Variants in RTN4RL1 observed in about 807,000 individuals in gnomAD.
RTN4RL1 encodes the protein reticulon 4 receptor like 1, also known as reticulon-4 receptor-like 1.
RTN4RL1 carries 7 observed loss-of-function variants against 25.6 expected under a neutral mutation model. The observed-to-expected ratio is 0.27, with a 90% CI of 0.16 to 0.51. The LOEUF is 0.51. Among genes scored for constraint, RTN4RL1 ranks in the 20% least tolerant of loss-of-function variants. The probability of loss-of-function intolerance (pLI) is 0.97; values close to 1 mark genes in which losing one functional copy is unlikely to be tolerated. For missense variants in RTN4RL1, 500 were observed against 615.6 expected (o/e 0.81, Z 1.99); for synonymous variants, 297 against 288.2 (o/e 1.03, Z -0.31).
At chr17:1,943,928 A>G (rs973513589) in intron 1 of RTN4RL1, among the ~76,000 whole-genome samples, 5 of 128,304 alleles carry the variant, frequency 3.9e-5, no homozygotes, top group Non-Finnish European at 5.6e-5. Flanking sequence ...CTGAGTTTGA[A>G]TCCTATTTTT....
intron 1 of RTN4RL1, among the ~76,000 whole-genome samples, chr17:1,950,653 C>G (rs555744243): frequency 1.3e-5 from 2 of 150,840 alleles, no homozygotes; most frequent in Non-Finnish European, 3.0e-5. Context: ...TTGAGACCAG[C>G]CTGGTCAACA....
At chr17:1,973,577 C>T (rs1255046593) in intron 1 of RTN4RL1, among the ~76,000 whole-genome samples, 3 of 151,546 alleles carry the variant, frequency 2.0e-5, no homozygotes, top group South Asian at 2.1e-4. Context: ...CCCCTGGTGT[C>T]CTCCACCCAA....
At chr17:1,940,445 T>G (rs1597485712) in intron 1 of RTN4RL1, among the ~76,000 whole-genome samples, 1 of 152,020 alleles carries the variant, frequency 6.6e-6, no homozygotes, top group African/African-American at 2.4e-5. Context: ...CAGTTTCCCC[T>G]CCTACCACAC....
intron 1 of RTN4RL1, among the ~76,000 whole-genome samples, chr17:2,002,405 G>A (rs987848392): frequency 6.6e-6 from 1 of 150,828 alleles, no homozygotes; most frequent in Non-Finnish European, 1.5e-5. Context: ...CCATTCTCCT[G>A]CCTCAGCCTC....
intron 1 of RTN4RL1, among the ~76,000 whole-genome samples, chr17:2,010,978 G>A (rs909084006): frequency 6.6e-6 from 1 of 152,136 alleles, no homozygotes; most frequent in Non-Finnish European, 1.5e-5. Context: ...TCGGCCGGGC[G>A]CGGTAGCTCA....
Position 2,002,762 on chromosome 17 carries a change from A to AG in RTN4RL1, c.13+22090dup, listed in dbSNP as rs202090346. On this transcript the variant is annotated intron_variant, in intron 1 of 1. Transcript: ENST00000331238. ...AGTAAAAACACTCTGGCCAGTTCCC[A>AG]GTGGGGGGCAGAGGGAAAGTCAGGT... Among the ~76,000 whole-genome samples, 1,460 of 152,088 alleles carry AG rather than the reference A, an allele frequency of 9.6e-3. 33 individuals are homozygous for AG. Among genetic ancestry groups the AG allele is most frequent in the African/African-American group, 0.034 (1,390 of 41,456 alleles).
intron 1 of RTN4RL1, among the ~76,000 whole-genome samples, chr17:1,976,228 C>T (rs781195600): frequency 5.3e-5 from 8 of 152,216 alleles, no homozygotes; most frequent in African/African-American, 9.6e-5. Flanking sequence ...TGCTGAGCCA[C>T]GAGAAGGCCC....
Position 1,935,711 on chromosome 17 carries a change from G to GTGTGTGTATATATATATA in RTN4RL1, c.*784_*785insTATATATATATACACACA, listed in dbSNP as rs1435954605. 4.4e-5 allele frequency: 7 copies of GTGTGTGTATATATATATA among 157,454 alleles called. No homozygotes were observed. The highest frequency in any genetic ancestry group is 4.8e-5 in the African/African-American group (1 of 20,978). 9.8% of individuals were successfully genotyped at this position (157,454 alleles called of 1,614,324 possible). ...AGTGGGAGGGGGACTGTGCATTTGTGTATATATATATATATATATATATAT... is the reference window on the plus strand; with the variant it reads ...AGTGGGAGGGGGACTGTGCATTTGTGTGTGTGTATATATATATATATATATATATATATATATATATAT... On this transcript the variant is annotated 3_prime_UTR_variant, in exon 2 of 2. Coordinates refer to ENST00000331238, the MANE Select transcript of RTN4RL1 (RefSeq NM_178568.4).
chr17:1,986,075 T>C (rs2066886051), intron 1 of RTN4RL1, among the ~76,000 whole-genome samples: 1 of 151,960 alleles, frequency 6.6e-6, no homozygotes, highest in Admixed American at 6.6e-5. Context: ...CTCTTGTCTC[T>C]ACTGCTACTA....
rs755220392 is a variant in RTN4RL1 at position 1,940,626 on chromosome 17, C to A, written c.14-2818G>T. On this transcript the variant is annotated intron_variant, in intron 1 of 1. Transcript: ENST00000331238. ...CCCCACTTGACTTTTGGGAAGCCTG[C>A]CCACTGCCTGAACCCTCCACACCCA... 1.2e-4 allele frequency among the ~76,000 whole-genome samples: 19 copies of A among 152,254 alleles called. No individual in the cohort carries two copies. In the South Asian group the frequency reaches 3.3e-3, roughly 27 times the overall value.
chr17:1,995,096 G>A (rs1460074763), intron 1 of RTN4RL1, among the ~76,000 whole-genome samples: 1 of 152,130 alleles, frequency 6.6e-6, no homozygotes, highest in East Asian at 1.9e-4. Flanking sequence ...TCAGGCCCCA[G>A]CAGCCCACTG....
chr17:1,967,957 C>T (rs2066800023), intron 1 of RTN4RL1, among the ~76,000 whole-genome samples: 1 of 152,126 alleles, frequency 6.6e-6, no homozygotes, highest in Non-Finnish European at 1.5e-5. Flanking sequence ...CTCTGTCTTG[C>T]CTCAACTGCC....
At chr17:1,997,916 C>T (rs991802692) in intron 1 of RTN4RL1, among the ~76,000 whole-genome samples, 6 of 152,204 alleles carry the variant, frequency 3.9e-5, no homozygotes, top group Admixed American at 1.3e-4. Flanking sequence ...CAGGGGCCGG[C>T]GCGCTCCTCG....
intron 1 of RTN4RL1, among the ~76,000 whole-genome samples, chr17:1,968,106 G>A (rs1245877206): frequency 6.6e-6 from 1 of 152,112 alleles, no homozygotes; most frequent in Non-Finnish European, 1.5e-5. Flanking sequence ...CACAGCCCGT[G>A]GGAGCCACCG....
chr17:1,999,117 C>CACACAT (rs1555520481), intron 1 of RTN4RL1, among the ~76,000 whole-genome samples: 1 of 146,628 alleles, frequency 6.8e-6, no homozygotes, highest in Non-Finnish European at 1.5e-5. Flanking sequence ...CACACACACA[C>CACACAT]GCTGCACTGA....
rs117913873 is a variant in RTN4RL1, at chr17:1,936,194, G to A, written c.*302C>T. 19 of 1,210,864 alleles carry A rather than the reference G, an allele frequency of 1.6e-5. No individual in the cohort carries two copies. The highest frequency in any genetic ancestry group is 2.0e-5 in the Non-Finnish European group (19 of 971,876). The allele number at this position is 1,210,864 out of a possible 1,614,324, so 75.0% of individuals were successfully genotyped here. A position where few individuals can be genotyped will look rare whatever the true frequency, so the allele number is the denominator to read the frequency against. ...CGCCGTCGGGGGCAATTGTCCCACT[G>A]TTGCCAGTGGAGGATGCACTTGGAG... On this transcript the variant is annotated 3_prime_UTR_variant, in exon 2 of 2. Transcript: ENST00000331238.
intron 1 of RTN4RL1, among the ~76,000 whole-genome samples, chr17:2,005,739 T>TTCCC (rs2066988930): frequency 6.9e-6 from 1 of 145,128 alleles, no homozygotes; most frequent in Non-Finnish European, 1.5e-5. Context: ...CTCTCTCTCT[T>TTCCC]TCTCTCTCTC....
chr17:1,971,957 C>T (rs1481696636), intron 1 of RTN4RL1, among the ~76,000 whole-genome samples: 5 of 64,644 alleles, frequency 7.7e-5, no homozygotes, highest in East Asian at 7.3e-4. Flanking sequence ...GCCAGACTCC[C>T]TCTCAAAAAA....
chr17:2,002,765 G>C (rs1477244109), intron 1 of RTN4RL1, among the ~76,000 whole-genome samples: 1 of 152,078 alleles, frequency 6.6e-6, no homozygotes. Flanking sequence ...AGTTCCCAGT[G>C]GGGGGCAGAG....
Sources: allele counts gnomAD v4.1 joint callset (sites outside exome capture counted in the v4.1 genomes callset), GRCh38; gene constraint gnomAD v4.1.1; transcripts MANE v1.5; gene names NCBI Gene and HGNC (gene_info 2026-07-23, HGNC 2026-07-21).